Variants in PPARA observed in about 807,000 individuals in gnomAD.
PPARA encodes peroxisome proliferator-activated receptor alpha.
A neutral mutation model predicts 42.2 loss-of-function variants in PPARA; 22 were observed. The observed-to-expected ratio is 0.52, with a 90% CI of 0.37 to 0.74. The LOEUF is 0.74. Ranked by LOEUF, PPARA falls within the 30% of genes least tolerant of loss-of-function variation. The pLI is 0.00. For missense variants in PPARA, 465 were observed against 608.2 expected (o/e 0.76, Z 2.48); for synonymous variants, 242 against 239.3 (o/e 1.01, Z -0.10).
intron 7 of PPARA, among the ~76,000 whole-genome samples, chr22:46,223,642 CAAA>C (rs56992283): frequency 1.3e-4 from 13 of 102,572 alleles, no homozygotes; most frequent in African/African-American, 1.5e-4. Context: ...GACTCCATCT[CAAA>C]AAAAAAAAAA....
rs4253687 is a variant in PPARA at position 46,184,645 on chromosome 22, G to A, written c.-43+7809G>A. Among the ~76,000 whole-genome samples, 6,459 of 152,228 alleles carry A rather than the reference G, an allele frequency of 0.042. 184 individuals carry two copies. Among genetic ancestry groups the A allele is most frequent in the Non-Finnish European group, 0.064 (4,337 of 68,004 alleles). Reference sequence around the variant, plus strand: ...TGGGAGGCCGAGATTACCTGAGGTCGGAAGTTCAAGACCAGCCTGGCCAAT... The same window carrying A: ...TGGGAGGCCGAGATTACCTGAGGTCAGAAGTTCAAGACCAGCCTGGCCAAT... On this transcript the variant is annotated intron_variant, in intron 3 of 8. Transcript: ENST00000407236. The surrounding 1 kb of genome is among the most constrained non-coding windows in gnomAD (Gnocchi z 4.4).
In PPARA at chr22:46,215,329, G is replaced by A; in HGVS notation, c.365G>A (p.Cys122Tyr). ...TACGGAGTCCACGCGTGTGAAGGCT[G>A]CAAGGTAGAGGGGAGCTGGAACAGG... ...YHYGVHACEGCKGFFRRTIRL... is the reference protein window; with the variant it reads ...YHYGVHACEGYKGFFRRTIRL... Residue 122 changes from cysteine (C) to tyrosine (Y), a missense_variant, in exon 5 of 9, where the codon TGC becomes TAC. Physicochemically the swap from Cys to Tyr is radical, Grantham distance 194 (BLOSUM62 -2). Transcript: ENST00000407236. 1 of 1,614,166 alleles carries A rather than the reference G, an allele frequency of 6.2e-7. No homozygotes were observed. The highest frequency in any genetic ancestry group is 8.5e-7 in the Non-Finnish European group (1 of 1,180,030).
At chr22:46,189,948 G>T (rs1171670680) in intron 3 of PPARA, among the ~76,000 whole-genome samples, 2 of 152,146 alleles carry the variant, frequency 1.3e-5, no homozygotes, top group African/African-American at 4.8e-5. Context: ...CTCGTGATCC[G>T]CCCACCTCGG....
chr22:46,203,231 G>A lies in PPARA; in HGVS notation c.208+4640G>A, dbSNP rs4365565. ...AAGATTATTTCTTATTTGTAAATTA[G>A]ATCGTTCATATTTGTACCTAATCTG... On this transcript the variant is annotated intron_variant, in intron 4 of 8. Transcript: ENST00000407236. The surrounding 1 kb of genome is among the most constrained non-coding windows in gnomAD (Gnocchi z 5.8). Among the ~76,000 whole-genome samples the A allele has an allele frequency of 1.8e-4, 27 of 152,256 alleles. No homozygotes were observed. Among genetic ancestry groups the A allele is most frequent in the South Asian group, 1.7e-3 (8 of 4,830 alleles).
chr22:46,212,821 C>T lies in PPARA; in HGVS notation c.209-2352C>T, dbSNP rs4253722. Among the ~76,000 whole-genome samples the T allele has an allele frequency of 0.033, 5,022 of 152,184 alleles. 227 individuals carry two copies. The highest frequency in any genetic ancestry group is 0.1 in the African/African-American group (4,295 of 41,498). ...GACCAGCCTGGCCAACATGGTGAAACGCTGTCTCTACTAAAAATACAAAAA... is the reference window on the plus strand; with the variant it reads ...GACCAGCCTGGCCAACATGGTGAAATGCTGTCTCTACTAAAAATACAAAAA... On this transcript the variant is annotated intron_variant, in intron 4 of 8. Transcript: ENST00000407236. The surrounding 1 kb of genome is among the most constrained non-coding windows in gnomAD (Gnocchi z 4.2).
intron 3 of PPARA, among the ~76,000 whole-genome samples, chr22:46,178,561 T>C (rs1019224245): frequency 2.0e-5 from 3 of 152,064 alleles, no homozygotes; most frequent in Non-Finnish European, 4.4e-5. Context: ...CCATGGTGTA[T>C]AGATTATCCA....
intron 2 of PPARA, among the ~76,000 whole-genome samples, chr22:46,174,005 C>CCAT (rs796398655): frequency 2.3e-5 from 1 of 43,934 alleles, no homozygotes; most frequent in South Asian, 4.0e-4. Flanking sequence ...GAGATCGAGA[C>CCAT]CCTCTCTACT....
rs573126511 is a variant in PPARA at position 46,230,876 on chromosome 22, C to T, written c.712-916C>T. On this transcript the variant is annotated intron_variant, in intron 7 of 8. Coordinates refer to ENST00000407236, the MANE Select transcript of PPARA (RefSeq NM_005036.6). The surrounding 1 kb of genome is among the most constrained non-coding windows in gnomAD (Gnocchi z 5.0). ...CATGCCAAATGTATTCATTGAGCAG[C>T]GTTAAATAATGGTGTTCACCCCTAA... Among the ~76,000 whole-genome samples, 1 of 152,088 alleles carries T rather than the reference C, an allele frequency of 6.6e-6. No individual in the cohort carries two copies. The highest frequency in any genetic ancestry group is 1.5e-5 in the Non-Finnish European group (1 of 68,030).
chr22:46,219,609 C>A lies in PPARA; in HGVS notation c.509-203C>A, dbSNP rs770131027. ...TAACGATGGTGTCACCTTCAGCCTG[C>A]ACCTGTTTAAACATCTACAGTGTAT... On this transcript the variant is annotated intron_variant, in intron 6 of 8. Transcript: ENST00000407236. The surrounding 1 kb of genome is among the most constrained non-coding windows in gnomAD (Gnocchi z 4.8). Among the ~76,000 whole-genome samples the A allele has an allele frequency of 3.3e-5, 5 of 152,208 alleles. No individual in the cohort carries two copies. The highest frequency in any genetic ancestry group is 5.9e-5 in the Non-Finnish European group (4 of 68,026).
Position 46,219,086 on chromosome 22 carries a change from C to G in PPARA, c.508+685C>G. On this transcript the variant is annotated intron_variant, in intron 6 of 8. Coordinates refer to ENST00000407236, the MANE Select transcript of PPARA (RefSeq NM_005036.6). The surrounding 1 kb of genome is among the most constrained non-coding windows in gnomAD (Gnocchi z 4.8). The stretch of plus-strand genomic sequence containing the variant: ...ATGAGACAGGAGAATAGCTTGAACC[C>G]GGGAGGCGGAGGTTGCAGTGAGCTG... 6.6e-6 allele frequency among the ~76,000 whole-genome samples: 1 copy of G among 151,282 alleles called. No homozygotes were observed. Among genetic ancestry groups the G allele is most frequent in the Non-Finnish European group, 1.5e-5 (1 of 67,902 alleles).
At chr22:46,202,067 T>G (rs925734283) in intron 4 of PPARA, among the ~76,000 whole-genome samples, 3 of 152,154 alleles carry the variant, frequency 2.0e-5, no homozygotes, top group African/African-American at 7.2e-5. Flanking sequence ...ATATGGAATT[T>G]GTGTGAGCTG....
intron 3 of PPARA, among the ~76,000 whole-genome samples, chr22:46,189,724 T>C (rs1337009674): frequency 6.6e-6 from 1 of 151,816 alleles, no homozygotes; most frequent in Non-Finnish European, 1.5e-5. Context: ...TTTTTTTTTT[T>C]GAGACAGAGT....
At position 46,218,276 on chromosome 22, in the gene PPARA, G is replaced by A. The variant is rs889086763; in HGVS notation, c.383G>A (p.Arg128Gln). 11 of 1,614,066 alleles carry A rather than the reference G, an allele frequency of 6.8e-6. No individual in the cohort carries two copies. Among genetic ancestry groups the A allele is most frequent in the Non-Finnish European group, 8.5e-6 (10 of 1,180,020 alleles). Residue 128 changes from arginine to glutamine, a missense_variant, in exon 6 of 9, where the codon CGA becomes CAA. Physicochemically the swap from Arg to Gln is conservative, Grantham distance 43. Around this residue, in one of 2 missense-constraint regions of PPARA, gnomAD observed 313 missense variants for 469.1 expected, o/e 0.67. Coordinates refer to ENST00000407236, the MANE Select transcript of PPARA (RefSeq NM_005036.6). ...ACEGCKGFFR[R>Q]TIRLKLVYDK... ...TTACCCTCACAGGGCTTCTTTCGGC[G>A]AACGATTCGACTCAAGCTGGTGTAT...
chr22:46,214,837 G>GGGACGTGTGGATGGGAGACGCGCGGGCCC (rs1934311101), intron 4 of PPARA, among the ~76,000 whole-genome samples: 1 of 151,116 alleles, frequency 6.6e-6, no homozygotes, highest in Non-Finnish European at 1.5e-5. Flanking sequence ...TGTGCGGGGC[G>GGGACGTGTGGATGGGAGACGCGCGGGCCC]GGATGTGTGG....
Position 46,207,667 on chromosome 22 carries a change from TA to T in PPARA, c.209-7505del, listed in dbSNP as rs1569228121. 1.6e-3 allele frequency among the ~76,000 whole-genome samples: 190 copies of T among 117,258 alleles called. 2 individuals are homozygous for T. The highest frequency in any genetic ancestry group is 6.6e-3 in the African/African-American group (159 of 24,226). The allele number at this position is 117,258 out of a possible 152,430, so 76.9% of individuals were successfully genotyped here. A position where few individuals can be genotyped will look rare whatever the true frequency, so the allele number is the denominator to read the frequency against. On this transcript the variant is annotated intron_variant, in intron 4 of 8. Coordinates refer to ENST00000407236, the MANE Select transcript of PPARA (RefSeq NM_005036.6). ...AATTTATTATTATTATTATTATTATTATTATTATTATTTTTTTTTTTTTTTT... is the reference window on the plus strand; with the variant it reads ...AATTTATTATTATTATTATTATTATTTTATTATTATTTTTTTTTTTTTTTT...
rs1481282985 is a variant in PPARA at position 46,212,725 on chromosome 22, G to A, written c.209-2448G>A. Among the ~76,000 whole-genome samples, 30 of 152,204 alleles carry A rather than the reference G, an allele frequency of 2.0e-4. No homozygotes were observed. Among genetic ancestry groups the A allele is most frequent in the Admixed American group, 2.0e-3 (30 of 15,274 alleles). ...CAATTAATAAAGCTGGCCATGCACA[G>A]TGGCTCACACCTGTAATCCCAGCAT... On this transcript the variant is annotated intron_variant, in intron 4 of 8. Transcript: ENST00000407236. The surrounding 1 kb of genome is among the most constrained non-coding windows in gnomAD (Gnocchi z 4.2).
intron 4 of PPARA, among the ~76,000 whole-genome samples, chr22:46,199,587 T>A (rs1932761036): frequency 6.6e-6 from 1 of 152,182 alleles, no homozygotes; most frequent in Non-Finnish European, 1.5e-5. Flanking sequence ...GAGGCTGCCA[T>A]GAGCTATGAC....
Position 46,243,368 on chromosome 22 carries a change from C to G in PPARA, c.*7988C>G, listed in dbSNP as rs1936428029. The G allele has an allele frequency of 1.3e-5, 2 of 152,178 alleles. No homozygotes were observed. Among genetic ancestry groups the G allele is most frequent in the Admixed American group, 1.3e-4 (2 of 15,262 alleles). 9.4% of individuals were successfully genotyped at this position (152,178 alleles called of 1,614,324 possible). A position where few individuals can be genotyped will look rare whatever the true frequency, so the allele number is the denominator to read the frequency against. Reference sequence around the variant, plus strand: ...GCTTCTTATTTGTGCTAAAAAGGTGCAGTTCCAAAGTAGGAACTGCCACAC... The same window carrying G: ...GCTTCTTATTTGTGCTAAAAAGGTGGAGTTCCAAAGTAGGAACTGCCACAC... On this transcript the variant is annotated 3_prime_UTR_variant, in exon 9 of 9. Coordinates refer to ENST00000407236, the MANE Select transcript of PPARA (RefSeq NM_005036.6). The surrounding 1 kb of genome is among the most constrained non-coding windows in gnomAD (Gnocchi z 5.0).
Position 46,184,924 on chromosome 22 carries a change from G to C in PPARA, c.-43+8088G>C, listed in dbSNP as rs1930460067. Among the ~76,000 whole-genome samples, 1 of 152,168 alleles carries C rather than the reference G, an allele frequency of 6.6e-6. No homozygotes were observed. The highest frequency in any genetic ancestry group is 1.5e-5 in the Non-Finnish European group (1 of 68,028). On this transcript the variant is annotated intron_variant, in intron 3 of 8. Coordinates refer to ENST00000407236, the MANE Select transcript of PPARA (RefSeq NM_005036.6). The surrounding 1 kb of genome is among the most constrained non-coding windows in gnomAD (Gnocchi z 4.4). ...GTTTTTCCCTCTCAGAAAGCTCGTAGGGTCTTCTCTTTGTCTCCAGCATGG... is the reference window on the plus strand; with the variant it reads ...GTTTTTCCCTCTCAGAAAGCTCGTACGGTCTTCTCTTTGTCTCCAGCATGG...
Sources: gnomAD v4.1 joint callset for allele counts (sites outside exome capture counted in the v4.1 genomes callset) on GRCh38, gnomAD v4.1.1 for gene constraint, gnomAD v4.1.1 regional missense constraint, Gnocchi (gnomAD v3.1) non-coding constraint, MANE v1.5 for transcripts, NCBI Gene and HGNC (gene_info 2026-07-23, HGNC 2026-07-21) for gene names.